The following KLK12 variants were observed in gnomAD, a reference collection of about 807,000 sequenced individuals.
KLK12 encodes the protein kallikrein related peptidase 12.
KLK12 carries 23 observed loss-of-function variants against 20.0 expected under a neutral mutation model. The observed-to-expected ratio is 1.15, with a 90% confidence interval of 0.83 to 1.63. The LOEUF is 1.63. KLK12 is among the 40% of genes most tolerant of loss of function. The pLI, the probability that KLK12 is intolerant of heterozygous loss-of-function variation, is 0.00. For synonymous variants in KLK12, 147 were observed against 141.9 expected (o/e 1.04, Z -0.25); for missense variants, 351 against 338.6 (o/e 1.04, Z -0.29).
chr19:51,029,435 A>G lies in KLK12; in HGVS notation c.614T>C (p.Val205Ala), dbSNP rs374448647. The G allele has an allele frequency of 4.3e-6, 7 of 1,612,302 alleles. No individual in the cohort carries two copies. The highest frequency in any genetic ancestry group is 5.9e-6 in the Non-Finnish European group (7 of 1,178,484). The stretch of plus-strand genomic sequence containing the variant: ...CAGACCTTGAAGGACTCCCCCACAC[A>G]CCAGGGGGCCCCCAGAATCACCCTG... The part of the protein sequence containing the change: ...ACQGDSGGPL[V>A]CGGVLQGLVS... The change falls in exon 6 of 6, where the codon GTG becomes GCG. Residue 205 changes from valine (V) to alanine (A), a missense_variant. Val to Ala is a moderately conservative substitution (Grantham distance 64). Transcript: ENST00000684732.
At position 51,031,591 on chromosome 19, in the gene KLK12, C is replaced by CATATATATATATATATATATATAT. The variant is rs1185762497; in HGVS notation, c.457+284_457+285insATATATATATATATATATATATAT. Among the ~76,000 whole-genome samples, 32 of 60,546 alleles carry CATATATATATATATATATATATAT rather than the reference C, an allele frequency of 5.3e-4. No homozygotes were observed. The South Asian group carries it at 0.016, about 31-fold the overall frequency. 39.7% of individuals were successfully genotyped at this position (60,546 alleles called of 152,430 possible). On this transcript the variant is annotated intron_variant, in intron 4 of 5. Transcript: ENST00000684732. The stretch of plus-strand genomic sequence containing the variant: ...TGACCCACAATGCCCATATCCTATA[C>CATATATATATATATATATATATAT]ATACATATATATATATATATGCCTT...
At chr19:51,034,318 A>G in intron 2 of KLK12, 179 bp from the exon 3 acceptor site, 1 of 1,133,336 alleles carries the variant, frequency 8.8e-7, no homozygotes, top group Non-Finnish European at 1.2e-6. Flanking sequence ...AAAGACACCC[A>G]GGGAGAAAGA....
At position 51,033,957 on chromosome 19, in the gene KLK12, G is replaced by A. The variant is rs193287788; in HGVS notation, c.197+23C>T. 392 of 1,605,564 alleles carry A rather than the reference G, an allele frequency of 2.4e-4. 1 individual carries two copies. The highest frequency in any genetic ancestry group is 2.4e-4 in the Non-Finnish European group (285 of 1,176,692). On this transcript the variant is annotated intron_variant, in intron 3 of 5. Transcript: ENST00000684732. ...CTTGCCTTCCCATAGTCCTCCCTTC[G>A]CCCACCCCAGGAAGGGACTTACCTG...
Position 51,032,013 on chromosome 19 carries a change from T to C in KLK12, c.320A>G (p.His107Arg). The C allele has an allele frequency of 6.2e-7, 1 of 1,612,384 alleles. No homozygotes were observed. The highest frequency in any genetic ancestry group is 1.1e-5 in the South Asian group (1 of 91,048). The change falls in exon 4 of 6, where the codon CAC (histidine) becomes CGC (arginine). Residue 107 changes from histidine to arginine, a missense_variant. His to Arg is a conservative substitution (Grantham distance 29, BLOSUM62 0). Transcript: ENST00000684732. ...GCGCAGCCGCAGCAGCCGGAGGTCGTGCTCGTGGCTCGTCGAGGCTCCCAG... is the reference window on the plus strand; with the variant it reads ...GCGCAGCCGCAGCAGCCGGAGGTCGCGCTCGTGGCTCGTCGAGGCTCCCAG... Reference protein sequence around the residue: ...GYLGASTSHEHDLRLLRLRLP... With the variant: ...GYLGASTSHERDLRLLRLRLP...
intron 4 of KLK12, chr19:51,031,659 C>T (rs913007404): frequency 3.0e-5 from 19 of 623,820 alleles, no homozygotes; most frequent in African/African-American, 5.5e-5. Flanking sequence ...GACCTCTGAC[C>T]TCTGATCCCT....
intron 1 of KLK12, 69 bp from the exon 2 acceptor site, chr19:51,034,709 T>G: frequency 6.4e-7 from 1 of 1,553,940 alleles, no homozygotes; most frequent in South Asian, 1.2e-5. Context: ...TCTCTGCTTC[T>G]CTTTGAAGGT....
intron 2 of KLK12, 103 bp downstream of exon 2, chr19:51,034,482 G>T (rs1158859976): frequency 6.5e-7 from 1 of 1,543,656 alleles, no homozygotes; most frequent in Non-Finnish European, 8.8e-7. Context: ...CTCACCACCA[G>T]GCTGGGGGCC....
chr19:51,031,721 C>A, intron 4 of KLK12, 155 bp downstream of exon 4: 2 of 908,160 alleles, frequency 2.2e-6, no homozygotes, highest in Admixed American at 1.7e-5. Flanking sequence ...CCCAATCCAC[C>A]ATAATCTCTG....
Position 51,034,652 on chromosome 19 carries a change from G to A in KLK12, c.-19-12C>T, listed in dbSNP as rs1599773183. 1 of 1,417,520 alleles carries A rather than the reference G, an allele frequency of 7.1e-7. No individual in the cohort carries two copies. The highest frequency in any genetic ancestry group is 9.8e-7 in the Non-Finnish European group (1 of 1,015,886). The allele number at this position is 1,417,520 out of a possible 1,614,324, so 87.8% of individuals were successfully genotyped here. ...GTCACTTCCAAAGTCTGGGGGAAAAGGGGAATCTCAGAGGTCACCCTTTCC... is the reference window on the plus strand; with the variant it reads ...GTCACTTCCAAAGTCTGGGGGAAAAAGGGAATCTCAGAGGTCACCCTTTCC... On this transcript the variant is annotated splice_polypyrimidine_tract_variant and intron_variant, in intron 1 of 5. Coordinates refer to ENST00000684732, the MANE Select transcript of KLK12 (RefSeq NM_001370125.1).
chr19:51,029,173 G>A lies in KLK12; in HGVS notation c.*129C>T. ...GTGGGTCTTAGAAGGGCTGGCAGGAGTTAAAGTTCCAAGAAGTTCCCAGGC... is the reference window on the plus strand; with the variant it reads ...GTGGGTCTTAGAAGGGCTGGCAGGAATTAAAGTTCCAAGAAGTTCCCAGGC... On this transcript the variant is annotated 3_prime_UTR_variant, in exon 6 of 6. Transcript: ENST00000684732. The A allele has an allele frequency of 6.2e-7, 1 of 1,614,134 alleles. No individual in the cohort carries two copies. The highest frequency in any genetic ancestry group is 1.7e-5 in the Admixed American group (1 of 60,022).
rs2091523641 is a variant in KLK12 at position 51,029,198 on chromosome 19, C to G, written c.*104G>C. On this transcript the variant is annotated 3_prime_UTR_variant, in exon 6 of 6. Transcript: ENST00000684732. Reference sequence around the variant, plus strand: ...GTTAAAGTTCCAAGAAGTTCCCAGGCCAACAAGAGTGGAGCTAGGGGAAGT... The same window carrying G: ...GTTAAAGTTCCAAGAAGTTCCCAGGGCAACAAGAGTGGAGCTAGGGGAAGT... The G allele has an allele frequency of 6.2e-7, 1 of 1,614,080 alleles. No individual in the cohort carries two copies. The highest frequency in any genetic ancestry group is 1.7e-5 in the Admixed American group (1 of 60,014).
intron 4 of KLK12, among the ~76,000 whole-genome samples, chr19:51,031,595 C>CATATATATATATATATATCTATATAT (rs1555789322): frequency 8.3e-6 from 1 of 120,394 alleles, no homozygotes. Flanking sequence ...CCTATACATA[C>CATATATATATATATATATCTATATAT]ATATATATAT....
intron 5 of KLK12, 27 bp downstream of exon 5, chr19:51,030,761 C>CCACG (rs1212143020): frequency 1.3e-5 from 21 of 1,612,332 alleles, no homozygotes; most frequent in Middle Eastern, 3.8e-4. Context: ...GTCCTGGTGA[C>CCACG]CACGCACGCT....
chr19:51,033,944 T>G (rs757868217), intron 3 of KLK12, 36 bp downstream of exon 3: 4 of 1,598,932 alleles, frequency 2.5e-6, no homozygotes, highest in Non-Finnish European at 3.4e-6. Flanking sequence ...TGCCTTCCCA[T>G]AGTCCTCCCT....
rs758062603 is a variant in KLK12, at chr19:51,034,015, G to C, written c.162C>G (p.His54Gln). 1 of 1,611,146 alleles carries C rather than the reference G, an allele frequency of 6.2e-7. No homozygotes were observed. Among genetic ancestry groups the C allele is most frequent in the Non-Finnish European group, 8.5e-7 (1 of 1,178,986 alleles). ...SLRCGGVLID[H>Q]RWVLTAAHCS... ...AGTGAGCCGCTGTGAGGACCCACCT[G>C]TGGTCAATAAGGACACCCCCGCAGC... is the stretch of plus-strand genomic sequence containing the variant. Residue 54 changes from histidine (H) to glutamine (Q), a missense_variant, in exon 3 of 6, where the codon CAC (histidine) becomes CAG (glutamine). His to Gln is a conservative substitution (Grantham distance 24). Coordinates refer to ENST00000684732, the MANE Select transcript of KLK12 (RefSeq NM_001370125.1).
chr19:51,033,786 C>G (rs1285685727), intron 3 of KLK12, 194 bp downstream of exon 3: 2 of 647,630 alleles, frequency 3.1e-6, no homozygotes, highest in East Asian at 5.5e-5. Flanking sequence ...CCCCGGCCCT[C>G]CACCCAACAT....
At chr19:51,031,578 C>G (rs1315657424) in intron 4 of KLK12, among the ~76,000 whole-genome samples, 2 of 91,594 alleles carry the variant, frequency 2.2e-5, no homozygotes, top group African/African-American at 7.0e-5. Flanking sequence ...ACCCACAATG[C>G]CCATATCCTA....
In KLK12 at chr19:51,029,258, G is replaced by A. The variant is rs1463804269; in HGVS notation, c.*44C>T. 8 of 1,613,566 alleles carry A rather than the reference G, an allele frequency of 5.0e-6. No individual in the cohort carries two copies. Among genetic ancestry groups the A allele is most frequent in the Non-Finnish European group, 5.9e-6 (7 of 1,179,992 alleles). ...GATATTGGTGCTCTGAGGGCCAGAG[G>A]GGTACCCAAGTTAAGGGGTGGGGGT... On this transcript the variant is annotated 3_prime_UTR_variant, in exon 6 of 6. Transcript: ENST00000684732.
intron 4 of KLK12, chr19:51,031,667 C>T (rs1414021775): frequency 6.1e-6 from 4 of 651,662 alleles, no homozygotes; most frequent in Admixed American, 2.3e-5. Flanking sequence ...ACCTCTGATC[C>T]CTGACTTCAT....
Sources: allele counts gnomAD v4.1 joint callset (sites outside exome capture counted in the v4.1 genomes callset), GRCh38; gene constraint gnomAD v4.1.1; transcripts MANE v1.5; gene names NCBI Gene and HGNC (gene_info 2026-07-23, HGNC 2026-07-21).